The following EEF2K variants were observed in gnomAD, a reference collection of about 807,000 sequenced individuals.
EEF2K encodes the protein alternative protein EEF2K.
A neutral mutation model predicts 93.8 loss-of-function variants in EEF2K; 70 were observed. The observed-to-expected ratio is 0.75, with a 90% CI of 0.62 to 0.91. The LOEUF (loss-of-function observed/expected upper bound fraction) is 0.91. EEF2K is among the 40% of genes least tolerant of loss of function. The pLI, the probability that EEF2K is intolerant of heterozygous loss-of-function variation, is 0.00. For synonymous variants in EEF2K, 376 were observed against 380.8 expected (o/e 0.99, Z 0.15); for missense variants, 935 against 972.9 (o/e 0.96, Z 0.52).
In EEF2K at chr16:22,283,928, A is replaced by G. The variant is rs890401279; in HGVS notation, c.2110A>G (p.Met704Val). 1 of 1,601,216 alleles carries G rather than the reference A, an allele frequency of 6.2e-7. No individual in the cohort carries two copies. The highest frequency in any genetic ancestry group is 8.5e-7 in the Non-Finnish European group (1 of 1,174,170). The change falls in exon 18 of 18, where the codon ATG becomes GTG. Residue 704 changes from methionine to valine, a missense_variant. Physicochemically the swap from Met to Val is conservative, Grantham distance 21. Coordinates refer to ENST00000263026, the MANE Select transcript of EEF2K (RefSeq NM_013302.5). ...TQAAEAAMEA[M>V]KGRLANQYYQ... ...GGCAGCAGAGGCAGCGATGGAAGCC[A>G]TGAAGGGCCGACTGGCCAACCAGTA...
chr16:22,271,084 C>G (rs2047577027), intron 15 of EEF2K, among the ~76,000 whole-genome samples: 1 of 151,762 alleles, frequency 6.6e-6, no homozygotes, highest in African/African-American at 2.4e-5. Context: ...ATTCTCCTGC[C>G]TCAGCCACCC....
intron 4 of EEF2K, among the ~76,000 whole-genome samples, 160 bp downstream of exon 4, chr16:22,248,975 T>C (rs1033769908): frequency 1.3e-5 from 2 of 148,858 alleles, no homozygotes; most frequent in African/African-American, 4.9e-5. Flanking sequence ...AGCCAGCATT[T>C]TTTTTTTTTT....
chr16:22,230,362 C>A (rs1299420151), intron 2 of EEF2K, among the ~76,000 whole-genome samples: 1 of 151,798 alleles, frequency 6.6e-6, no homozygotes, highest in Non-Finnish European at 1.5e-5. Flanking sequence ...CACAGGTGCA[C>A]GCCACTATGC....
At chr16:22,279,782 G>T (rs894794196) in intron 16 of EEF2K, among the ~76,000 whole-genome samples, 1 of 152,086 alleles carries the variant, frequency 6.6e-6, no homozygotes, top group Non-Finnish European at 1.5e-5. Context: ...ATCACTCGAG[G>T]TTAGGGGTTC....
chr16:22,270,687 A>G (rs1286773278), intron 15 of EEF2K, among the ~76,000 whole-genome samples: 3 of 152,186 alleles, frequency 2.0e-5, no homozygotes, highest in Non-Finnish European at 2.9e-5. Context: ...GGCCTCCTGC[A>G]TAATGGGTGG....
At chr16:22,228,395 G>A (rs1455642709) in intron 2 of EEF2K, among the ~76,000 whole-genome samples, 3 of 152,010 alleles carry the variant, frequency 2.0e-5, no homozygotes, top group African/African-American at 4.8e-5. Flanking sequence ...AGGCTGAGGC[G>A]GACAGATCAC....
At chr16:22,257,513 G>T (rs2141674148) in intron 8 of EEF2K, 128 bp downstream of exon 8, 1 of 1,545,226 alleles carries the variant, frequency 6.5e-7, no homozygotes, top group Non-Finnish European at 8.7e-7. Flanking sequence ...GGAGATGGGA[G>T]CCTGGATGTC....
intron 2 of EEF2K, among the ~76,000 whole-genome samples, chr16:22,243,114 G>A (rs544564248): frequency 2.0e-5 from 3 of 152,026 alleles, no homozygotes; most frequent in Non-Finnish European, 1.5e-5. Context: ...CATGGTTCTA[G>A]CTCTGAGCTT....
At chr16:22,275,469 A>G (rs2047625453) in intron 16 of EEF2K, among the ~76,000 whole-genome samples, 1 of 151,808 alleles carries the variant, frequency 6.6e-6, no homozygotes, top group Non-Finnish European at 1.5e-5. Context: ...CAGCCTCCCA[A>G]GTAGCTGGTA....
At chr16:22,237,249 G>A (rs549429730) in intron 2 of EEF2K, among the ~76,000 whole-genome samples, 65 of 151,442 alleles carry the variant, frequency 4.3e-4, no homozygotes, top group South Asian at 6.3e-4. Flanking sequence ...CCGGCCCATA[G>A]CCCTCTGTTC....
intron 2 of EEF2K, among the ~76,000 whole-genome samples, chr16:22,228,349 C>T (rs898794009): frequency 2.6e-5 from 4 of 152,090 alleles, no homozygotes; most frequent in East Asian, 1.9e-4. Context: ...GTGGGCTGGG[C>T]GCGACGGCTC....
At chr16:22,221,092 T>C (rs1487282977) in intron 1 of EEF2K, among the ~76,000 whole-genome samples, 1 of 152,218 alleles carries the variant, frequency 6.6e-6, no homozygotes. Context: ...GTAGTTCACG[T>C]TGGTTTTCAA....
intron 15 of EEF2K, 147 bp from the exon 16 acceptor site, chr16:22,273,479 T>C: frequency 8.6e-7 from 1 of 1,165,020 alleles, no homozygotes. Context: ...GCCTCTGGAG[T>C]CAAGTGCCCC....
intron 6 of EEF2K, among the ~76,000 whole-genome samples, chr16:22,252,848 G>A (rs1366902206): frequency 1.3e-5 from 2 of 152,044 alleles, no homozygotes; most frequent in African/African-American, 4.8e-5. Flanking sequence ...CAAGCAAAGG[G>A]GGTTTCCCCT....
intron 11 of EEF2K, among the ~76,000 whole-genome samples, chr16:22,261,743 A>AG (rs2047465294): frequency 6.7e-6 from 1 of 149,564 alleles, no homozygotes; most frequent in Non-Finnish European, 1.5e-5. Context: ...GGTGGCTCAC[A>AG]CCTGTAATCC....
At chr16:22,228,566 G>C (rs1226955062) in intron 2 of EEF2K, among the ~76,000 whole-genome samples, 1 of 152,210 alleles carries the variant, frequency 6.6e-6, no homozygotes, top group Admixed American at 6.5e-5. Context: ...TCAGGTACCC[G>C]GGCCGACAGC....
chr16:22,222,023 T>G (rs1401308807), intron 1 of EEF2K, among the ~76,000 whole-genome samples: 1 of 152,006 alleles, frequency 6.6e-6, no homozygotes, highest in East Asian at 1.9e-4. Context: ...TGAGCCAAGA[T>G]TGTGCCACCC....
At position 22,245,720 on chromosome 16, in the gene EEF2K, A is replaced by G. The variant is rs527911049; in HGVS notation, c.347+990A>G. Among the ~76,000 whole-genome samples, 4 of 152,170 alleles carry G rather than the reference A, an allele frequency of 2.6e-5. No homozygotes were observed. The East Asian group carries it at 5.8e-4, about 22-fold the overall frequency. The stretch of plus-strand genomic sequence containing the variant: ...GCTGATTTACTCTGGGAAAGGAGAG[A>G]TGGAAATGTTCCCTGAACCCTCTCC... On this transcript the variant is annotated intron_variant, in intron 3 of 17. Coordinates refer to ENST00000263026, the MANE Select transcript of EEF2K (RefSeq NM_013302.5).
rs375705424 is a variant in EEF2K, at chr16:22,251,086, C to A, written c.447-65C>A. ...AGACAGGGTCTTGCTGTCCTGAGGA[C>A]CAGGGCTGTGTCCCTGGTGAACCCC... On this transcript the variant is annotated intron_variant, in intron 5 of 17. Coordinates refer to ENST00000263026, the MANE Select transcript of EEF2K (RefSeq NM_013302.5). The A allele has an allele frequency of 3.8e-6, 6 of 1,562,924 alleles. No individual in the cohort carries two copies. The African/African-American group carries it at 4.1e-5, about 11-fold the overall frequency.
Sources: gnomAD v4.1 joint callset for allele counts (sites outside exome capture counted in the v4.1 genomes callset) on GRCh38, gnomAD v4.1.1 for gene constraint, MANE v1.5 for transcripts, NCBI Gene and HGNC (gene_info 2026-07-23, HGNC 2026-07-21) for gene names.